The following KCNK2 variants were observed in gnomAD, a reference collection of about 807,000 sequenced individuals.
KCNK2 encodes the protein potassium two pore domain channel subfamily K member 2.
Under a neutral mutation model 40.5 loss-of-function variants are expected in KCNK2, and 21 were observed. That is an observed-to-expected ratio of 0.52 (90% confidence interval 0.37 to 0.75). The LOEUF (loss-of-function observed/expected upper bound fraction) is 0.75. Among genes scored for constraint, KCNK2 ranks in the 30% least tolerant of loss-of-function variants. The pLI is 0.00. For missense variants in KCNK2, 399 were observed against 531.6 expected, an observed-to-expected ratio of 0.75 and a Z score of 2.45; for synonymous variants, 191 against 202.2, an observed-to-expected ratio of 0.94 and a Z score of 0.47.
At chr1:215,058,679 A>G (rs1031388281) in intron 1 of KCNK2, among the ~76,000 whole-genome samples, 45 of 152,274 alleles carry the variant, frequency 3.0e-4, no homozygotes, top group African/African-American at 1.1e-3. Flanking sequence ...CCTTGTTTAC[A>G]AAGCCCTACA....
intron 1 of KCNK2, among the ~76,000 whole-genome samples, chr1:215,056,849 C>A (rs550232209): frequency 1.4e-4 from 21 of 152,114 alleles, no homozygotes; most frequent in African/African-American, 4.6e-4. Context: ...TGCTTACTAT[C>A]CCAGAAGCTG....
intron 1 of KCNK2, among the ~76,000 whole-genome samples, chr1:215,048,357 A>C (rs1657858101): frequency 6.6e-6 from 1 of 152,208 alleles, no homozygotes. Context: ...TAGCATTCAG[A>C]CTAAAAGCTT....
At chr1:215,119,925 A>T (rs1466770340) in intron 2 of KCNK2, among the ~76,000 whole-genome samples, 7 of 152,216 alleles carry the variant, frequency 4.6e-5, no homozygotes, top group Non-Finnish European at 1.0e-4. Flanking sequence ...TCTTAGCTCT[A>T]CGTCAGTGAG....
chr1:215,154,524 G>A (rs1259836897), intron 3 of KCNK2, among the ~76,000 whole-genome samples: 1 of 151,924 alleles, frequency 6.6e-6, no homozygotes, highest in Non-Finnish European at 1.5e-5. Context: ...CTCCCATTCT[G>A]TAGGTTGCTT....
At chr1:215,048,088 T>C (rs1657847946) in intron 1 of KCNK2, among the ~76,000 whole-genome samples, 1 of 152,224 alleles carries the variant, frequency 6.6e-6, no homozygotes, top group South Asian at 2.1e-4. Flanking sequence ...CCTTCAAAGA[T>C]ATTCCTGGGT....
chr1:215,083,216 G>GGCCCCCCCC lies in KCNK2; in HGVS notation c.-170_-169insGCCCCCCCC. Reference sequence around the variant, plus strand: ...CGCTCCCCCCCCCGCCCCCTCCCGCGTCCAGCCCCGCTCTCCCCACCTTGT... The same window carrying GGCCCCCCCC: ...CGCTCCCCCCCCCGCCCCCTCCCGCGGCCCCCCCCTCCAGCCCCGCTCTCCCCACCTTGT... On this transcript the variant is annotated 5_prime_UTR_variant, in exon 1 of 7. Coordinates refer to ENST00000444842, the MANE Select transcript of KCNK2 (RefSeq NM_001017425.3). 1 of 449,730 alleles carries GGCCCCCCCC rather than the reference G, an allele frequency of 2.2e-6. No individual in the cohort carries two copies. Among genetic ancestry groups the GGCCCCCCCC allele is most frequent in the South Asian group, 2.8e-5 (1 of 35,342 alleles). The allele number at this position is 449,730 out of a possible 1,614,324, so 27.9% of individuals were successfully genotyped here. A position where few individuals can be genotyped will look rare whatever the true frequency, so the allele number is the denominator to read the frequency against.
chr1:215,228,269 A>G (rs1558149097), intron 6 of KCNK2, among the ~76,000 whole-genome samples: 1 of 152,210 alleles, frequency 6.6e-6, no homozygotes, highest in Non-Finnish European at 1.5e-5. Flanking sequence ...GTGAGACAAC[A>G]GCCATGAGAG....
intron 1 of KCNK2, among the ~76,000 whole-genome samples, chr1:215,032,070 T>A (rs1402343766): frequency 6.6e-6 from 1 of 152,098 alleles, no homozygotes; most frequent in Admixed American, 6.6e-5. Context: ...ATTATTATTT[T>A]GAGCAAACTG....
chr1:215,201,140 CA>C (rs978544513), intron 6 of KCNK2, among the ~76,000 whole-genome samples: 1 of 151,966 alleles, frequency 6.6e-6, no homozygotes, highest in African/African-American at 2.4e-5. Context: ...GACTATTTAG[CA>C]AATAATGTAG....
At chr1:215,197,302 C>T (rs1664904448) in intron 6 of KCNK2, among the ~76,000 whole-genome samples, 1 of 152,152 alleles carries the variant, frequency 6.6e-6, no homozygotes, top group Non-Finnish European at 1.5e-5. Context: ...GGTGTTATAA[C>T]ATGGGACTTT....
At chr1:215,144,051 C>T (rs955632450) in intron 3 of KCNK2, among the ~76,000 whole-genome samples, 15 of 152,046 alleles carry the variant, frequency 9.9e-5, no homozygotes, top group African/African-American at 3.1e-4. Context: ...AGTATATCTG[C>T]CTTTACCATG....
intron 2 of KCNK2, among the ~76,000 whole-genome samples, chr1:215,109,273 C>A (rs1211308175): frequency 6.6e-6 from 1 of 152,042 alleles, no homozygotes; most frequent in African/African-American, 2.4e-5. Flanking sequence ...TCCTATTCTG[C>A]TGTCAAACAT....
At chr1:215,099,388 A>G (rs1371098481) in intron 2 of KCNK2, among the ~76,000 whole-genome samples, 2 of 151,974 alleles carry the variant, frequency 1.3e-5, no homozygotes, top group African/African-American at 4.8e-5. Flanking sequence ...AGTATATATA[A>G]GAAAACTAAG....
intron 6 of KCNK2, among the ~76,000 whole-genome samples, chr1:215,207,088 A>G (rs977190351): frequency 6.6e-6 from 1 of 152,162 alleles, no homozygotes; most frequent in African/African-American, 2.4e-5. Flanking sequence ...TGACACAATG[A>G]TAATGTATGT....
At chr1:215,227,632 T>C (rs1009319930) in intron 6 of KCNK2, among the ~76,000 whole-genome samples, 1 of 152,146 alleles carries the variant, frequency 6.6e-6, no homozygotes, top group Non-Finnish European at 1.5e-5. Context: ...TTGTGTTCAT[T>C]ACAGGGCAAT....
intron 3 of KCNK2, among the ~76,000 whole-genome samples, chr1:215,165,493 A>T (rs1486800506): frequency 6.6e-6 from 1 of 152,168 alleles, no homozygotes; most frequent in African/African-American, 2.4e-5. Flanking sequence ...TTGCATACTG[A>T]TGAGGCTAAA....
At chr1:215,105,356 C>T (rs1393926111) in intron 2 of KCNK2, among the ~76,000 whole-genome samples, 1 of 152,044 alleles carries the variant, frequency 6.6e-6, no homozygotes, top group Admixed American at 6.6e-5. Flanking sequence ...GATTGGTTTA[C>T]TTAGCGTAGT....
chr1:215,081,977 G>C (rs1659174468), upstream of KCNK2: 1 of 152,148 alleles, frequency 6.6e-6, no homozygotes, highest in Non-Finnish European at 1.5e-5. Flanking sequence ...GGAGGAGGTC[G>C]GGGAGCGCTA....
chr1:215,121,075 G>T (rs1236156618), intron 2 of KCNK2, among the ~76,000 whole-genome samples: 1 of 152,110 alleles, frequency 6.6e-6, no homozygotes, highest in Admixed American at 6.6e-5. Context: ...TGGAAAGACT[G>T]TTCAGTCCAA....
Sources: gnomAD v4.1 joint callset for allele counts (sites outside exome capture counted in the v4.1 genomes callset) on GRCh38, gnomAD v4.1.1 for gene constraint, MANE v1.5 for transcripts, NCBI Gene and HGNC (gene_info 2026-07-23, HGNC 2026-07-21) for gene names.